The following PDZRN4 variants were observed in gnomAD, a reference collection of about 807,000 sequenced individuals.
PDZRN4 encodes the protein PDZ domain containing ring finger 4.
Under a neutral mutation model 99.0 loss-of-function variants are expected in PDZRN4, and 70 were observed. The ratio of observed to expected loss-of-function variants is 0.71; its 90% CI spans 0.58 to 0.86. The LOEUF is 0.86. PDZRN4 is among the 40% of genes least tolerant of loss of function. The pLI, the probability that PDZRN4 is intolerant of heterozygous loss-of-function variation, is 0.00. For synonymous variants in PDZRN4, 551 were observed against 501.6 expected (o/e 1.10, Z -1.32); for missense variants, 1,474 against 1,331.2 (o/e 1.11, Z -1.67).
intron 3 of PDZRN4, among the ~76,000 whole-genome samples, chr12:41,218,704 T>G (rs1950936278): frequency 6.6e-6 from 1 of 152,110 alleles, no homozygotes; most frequent in African/African-American, 2.4e-5. Flanking sequence ...GCAACTCACT[T>G]TCAGCAAATA....
intron 3 of PDZRN4, among the ~76,000 whole-genome samples, chr12:41,358,703 A>C (rs1004143402): frequency 6.6e-6 from 1 of 151,996 alleles, no homozygotes; most frequent in Non-Finnish European, 1.5e-5. Flanking sequence ...CTTTCAGTGC[A>C]TCTTAGAAAG....
At chr12:41,415,209 G>A (rs905458127) in intron 3 of PDZRN4, among the ~76,000 whole-genome samples, 2 of 151,802 alleles carry the variant, frequency 1.3e-5, no homozygotes, top group East Asian at 1.9e-4. Context: ...TGTGCTGTTC[G>A]GTTAAGAGAT....
chr12:41,299,522 GT>G (rs541967021), intron 3 of PDZRN4, among the ~76,000 whole-genome samples: 1 of 151,852 alleles, frequency 6.6e-6, no homozygotes, highest in Non-Finnish European at 1.5e-5. Context: ...ATAATCCCCT[GT>G]TTTTTTAGGC....
intron 3 of PDZRN4, among the ~76,000 whole-genome samples, chr12:41,393,734 A>C (rs1210946869): frequency 6.6e-6 from 1 of 152,164 alleles, no homozygotes; most frequent in Non-Finnish European, 1.5e-5. Context: ...GAGATTACTT[A>C]ATGATATTTG....
At chr12:41,436,341 G>A (rs1220208246) in intron 3 of PDZRN4, among the ~76,000 whole-genome samples, 1 of 152,154 alleles carries the variant, frequency 6.6e-6, no homozygotes, top group Non-Finnish European at 1.5e-5. Flanking sequence ...CTGGTGTTGA[G>A]GTGTTGCTAG....
chr12:41,486,693 T>C (rs533196951), intron 3 of PDZRN4, among the ~76,000 whole-genome samples: 170 of 151,528 alleles, frequency 1.1e-3, no homozygotes, highest in African/African-American at 4.0e-3. Flanking sequence ...AAAATCAGAG[T>C]AAGAAAAGGG....
intron 3 of PDZRN4, among the ~76,000 whole-genome samples, chr12:41,471,166 G>A (rs962067311): frequency 5.3e-5 from 8 of 152,314 alleles, no homozygotes; most frequent in Non-Finnish European, 1.2e-4. Context: ...AAAGCGCACC[G>A]CTATGGCAGC....
chr12:41,508,487 T>A (rs546505871), intron 4 of PDZRN4, among the ~76,000 whole-genome samples: 10 of 152,294 alleles, frequency 6.6e-5, no homozygotes, highest in South Asian at 4.1e-4. Context: ...TGGCCTTGCA[T>A]CTGGCAGCCA....
chr12:41,343,620 G>A (rs569404947), intron 3 of PDZRN4, among the ~76,000 whole-genome samples: 4 of 57,502 alleles, frequency 7.0e-5, no homozygotes, highest in Non-Finnish European at 1.2e-4. Context: ...AGTTGTATAC[G>A]GTACAATGTT....
chr12:41,238,862 C>T (rs1028192673), intron 3 of PDZRN4, among the ~76,000 whole-genome samples: 6 of 152,144 alleles, frequency 3.9e-5, no homozygotes, highest in African/African-American at 9.6e-5. Context: ...ACACTGTTGG[C>T]GAGAATGCAA....
chr12:41,504,007 A>T (rs1317254713), intron 3 of PDZRN4, among the ~76,000 whole-genome samples: 1 of 152,194 alleles, frequency 6.6e-6, no homozygotes, highest in Admixed American at 6.5e-5. Context: ...GTGGTGGCTC[A>T]TGCCTGCAAT....
chr12:41,346,794 C>G (rs529498618), intron 3 of PDZRN4, among the ~76,000 whole-genome samples: 1 of 151,996 alleles, frequency 6.6e-6, no homozygotes. Context: ...TAAAGAAACC[C>G]CATACTATTA....
chr12:41,305,380 A>G (rs1366700802), intron 3 of PDZRN4, among the ~76,000 whole-genome samples: 1 of 152,232 alleles, frequency 6.6e-6, no homozygotes. Flanking sequence ...ACATGCAATA[A>G]GTACTATTAA....
chr12:41,428,128 A>G (rs1289951235), intron 3 of PDZRN4, among the ~76,000 whole-genome samples: 2 of 152,072 alleles, frequency 1.3e-5, no homozygotes, highest in African/African-American at 4.8e-5. Context: ...TCGTCTCTTT[A>G]CTTCCTATCC....
intron 3 of PDZRN4, among the ~76,000 whole-genome samples, chr12:41,197,931 T>G (rs78234357): frequency 7.1e-5 from 10 of 140,694 alleles, no homozygotes; most frequent in Non-Finnish European, 1.4e-4. Context: ...TTTTTTTTTT[T>G]GGAGACAGGA....
intron 3 of PDZRN4, among the ~76,000 whole-genome samples, chr12:41,446,526 G>T (rs962735055): frequency 5.4e-5 from 8 of 149,376 alleles, no homozygotes; most frequent in East Asian, 2.0e-4. Context: ...AATTTAGATG[G>T]TTTTTTTTTT....
intron 3 of PDZRN4, among the ~76,000 whole-genome samples, chr12:41,362,588 T>C (rs1951971888): frequency 6.6e-6 from 1 of 152,086 alleles, no homozygotes; most frequent in East Asian, 1.9e-4. Flanking sequence ...AAGTTTAGCA[T>C]ATATCTATCT....
At chr12:41,539,003 G>A (rs1212595234) in intron 5 of PDZRN4, among the ~76,000 whole-genome samples, 1 of 151,978 alleles carries the variant, frequency 6.6e-6, no homozygotes, top group African/African-American at 2.4e-5. Flanking sequence ...ACAGTCCGCT[G>A]TTAGCTATAA....
At chr12:41,556,614 C>T (rs1045426773) in intron 7 of PDZRN4, among the ~76,000 whole-genome samples, 1 of 152,184 alleles carries the variant, frequency 6.6e-6, no homozygotes, top group Non-Finnish European at 1.5e-5. Context: ...TAGTGCACTA[C>T]TGTATTTACC....
Sources: allele counts gnomAD v4.1 joint callset (sites outside exome capture counted in the v4.1 genomes callset), GRCh38; gene constraint gnomAD v4.1.1; transcripts MANE v1.5; gene names NCBI Gene and HGNC (gene_info 2026-07-23, HGNC 2026-07-21).